The following HDAC9 variants were observed in gnomAD, a reference collection of about 807,000 sequenced individuals.
The protein encoded by HDAC9 is MEF-2 interacting transcription repressor (MITR) protein.
HDAC9 carries 41 observed loss-of-function variants against 139.4 expected under a neutral mutation model. That is an observed-to-expected ratio of 0.29 (90% CI 0.23 to 0.38). HDAC9 has a LOEUF of 0.38. Among genes scored for constraint, HDAC9 ranks in the 10% least tolerant of loss-of-function variants. The pLI is 1.00. For synonymous variants in HDAC9, 517 were observed against 476.2 expected, an observed-to-expected ratio of 1.09 and a Z score of -1.12; for missense variants, 1,147 against 1,297.0, an observed-to-expected ratio of 0.88 and a Z score of 1.78.
At chr7:18,796,754 G>A (rs536336919) in intron 17 of HDAC9, among the ~76,000 whole-genome samples, 2 of 152,264 alleles carry the variant, frequency 1.3e-5, no homozygotes, top group South Asian at 4.1e-4. Flanking sequence ...GGACATTTTA[G>A]AAAGTATGTC....
chr7:18,297,899 C>A (rs1343054085), intron 1 of HDAC9, among the ~76,000 whole-genome samples: 3 of 152,144 alleles, frequency 2.0e-5, no homozygotes. Flanking sequence ...GCTTTTTAGC[C>A]TTAATGACGT....
At chr7:18,401,041 A>G (rs1474180426) in intron 1 of HDAC9, among the ~76,000 whole-genome samples, 1 of 152,164 alleles carries the variant, frequency 6.6e-6, no homozygotes, top group East Asian at 1.9e-4. Flanking sequence ...TAGGCTGTTT[A>G]TGGGCTTTCT....
At chr7:18,856,822 C>T (rs550212207) in intron 21 of HDAC9, among the ~76,000 whole-genome samples, 6 of 152,056 alleles carry the variant, frequency 3.9e-5, no homozygotes, top group African/African-American at 1.4e-4. Context: ...TGTGATTTTC[C>T]CTGTCACCTC....
At chr7:18,126,886 G>A (rs1784706966) in intron 1 of HDAC9, among the ~76,000 whole-genome samples, 1 of 152,180 alleles carries the variant, frequency 6.6e-6, no homozygotes. Flanking sequence ...ATTCAAGGAA[G>A]AGCAATTGGG....
At chr7:18,586,776 A>G (rs1829591583) in intron 3 of HDAC9, among the ~76,000 whole-genome samples, 1 of 152,156 alleles carries the variant, frequency 6.6e-6, no homozygotes, top group Admixed American at 6.5e-5. Flanking sequence ...TTGATGTACA[A>G]AATACCTTAA....
chr7:18,691,097 A>G (rs1055552767), intron 12 of HDAC9, among the ~76,000 whole-genome samples: 16 of 152,064 alleles, frequency 1.1e-4, no homozygotes, highest in Non-Finnish European at 1.9e-4. Flanking sequence ...TTACACATGC[A>G]TAGAAGGTCT....
intron 2 of HDAC9, among the ~76,000 whole-genome samples, chr7:18,224,786 T>C (rs1227686578): frequency 6.6e-6 from 1 of 151,986 alleles, no homozygotes; most frequent in Non-Finnish European, 1.5e-5. Context: ...AATATGAGGA[T>C]GTAAAGTAAT....
At chr7:18,472,098 G>C (rs1794771535) in intron 1 of HDAC9, among the ~76,000 whole-genome samples, 2 of 152,230 alleles carry the variant, frequency 1.3e-5, no homozygotes, top group African/African-American at 4.8e-5. Context: ...CTGAAGATTT[G>C]ATTTGGAGCC....
At chr7:18,930,947 C>CTCTT (rs1440130866) in intron 22 of HDAC9, among the ~76,000 whole-genome samples, 1 of 152,148 alleles carries the variant, frequency 6.6e-6, no homozygotes, top group Non-Finnish European at 1.5e-5. Flanking sequence ...ATCGCTCTGT[C>CTCTT]TCTTTCTTTC....
chr7:18,747,882 T>C (rs1788119114), intron 13 of HDAC9, among the ~76,000 whole-genome samples: 1 of 152,224 alleles, frequency 6.6e-6, no homozygotes, highest in Non-Finnish European at 1.5e-5. Flanking sequence ...AACACAATAA[T>C]GTAAGCCAAA....
At chr7:18,447,456 TA>T (rs1792399778) in intron 1 of HDAC9, among the ~76,000 whole-genome samples, 1 of 152,208 alleles carries the variant, frequency 6.6e-6, no homozygotes, top group Admixed American at 6.5e-5. Context: ...CTAGTTTTAT[TA>T]TATTGTTGTG....
intron 14 of HDAC9, among the ~76,000 whole-genome samples, chr7:18,754,730 G>A (rs558968639): frequency 2.6e-5 from 4 of 152,164 alleles, no homozygotes; most frequent in African/African-American, 4.8e-5. Flanking sequence ...GGGTCTTCTC[G>A]GCAGTTCCAA....
At chr7:18,919,390 A>C (rs193038367) in intron 22 of HDAC9, among the ~76,000 whole-genome samples, 1 of 152,172 alleles carries the variant, frequency 6.6e-6, no homozygotes, top group Admixed American at 6.6e-5. Context: ...ACACAAGTCC[A>C]CTTAAGCAAT....
intron 25 of HDAC9, among the ~76,000 whole-genome samples, chr7:18,984,341 G>A (rs1310679812): frequency 6.6e-6 from 1 of 152,090 alleles, no homozygotes; most frequent in African/African-American, 2.4e-5. Flanking sequence ...CCACAGAGTT[G>A]AGTAAGCTGG....
chr7:18,892,915 A>G (rs1800810483), intron 22 of HDAC9, among the ~76,000 whole-genome samples: 1 of 150,528 alleles, frequency 6.6e-6, no homozygotes, highest in South Asian at 2.1e-4. Context: ...AAGGAACTTA[A>G]GTTTATGTCA....
chr7:18,164,453 C>T (rs901249339), intron 2 of HDAC9, among the ~76,000 whole-genome samples: 2 of 152,152 alleles, frequency 1.3e-5, no homozygotes, highest in Non-Finnish European at 2.9e-5. Flanking sequence ...TGGTCTTATG[C>T]AATCATCATC....
chr7:18,381,489 A>G (rs1785442953), intron 1 of HDAC9, among the ~76,000 whole-genome samples: 1 of 152,048 alleles, frequency 6.6e-6, no homozygotes, highest in African/African-American at 2.4e-5. Context: ...TTTTGGGATC[A>G]AAAGGAAATA....
intron 17 of HDAC9, chr7:18,807,996 A>T (rs1282133551): frequency 6.6e-6 from 1 of 152,020 alleles, no homozygotes; most frequent in African/African-American, 2.4e-5. Context: ...TTTTTTGTGG[A>T]TGATCTATAT....
At chr7:18,918,345 AG>A (rs1803395504) in intron 22 of HDAC9, among the ~76,000 whole-genome samples, 1 of 151,210 alleles carries the variant, frequency 6.6e-6, no homozygotes. Context: ...GGGGGGATGG[AG>A]GGGAAAGGGG....
Sources: allele counts gnomAD v4.1 joint callset (sites outside exome capture counted in the v4.1 genomes callset), GRCh38; gene constraint gnomAD v4.1.1; transcripts MANE v1.5; gene names NCBI Gene and HGNC (gene_info 2026-07-23, HGNC 2026-07-21).